GALNT8: variants seen among roughly 807,000 people sequenced by gnomAD.
GALNT8 encodes the protein polypeptide N-acetylgalactosaminyltransferase 8, also known as probable polypeptide N-acetylgalactosaminyltransferase 8.
A neutral mutation model predicts 62.7 loss-of-function variants in GALNT8; 66 were observed. That is an observed-to-expected ratio of 1.05 (90% CI 0.86 to 1.29). GALNT8 has a LOEUF of 1.29. Among genes scored for constraint, GALNT8 ranks in the 50% most tolerant of loss-of-function variants. The pLI is 0.00. For missense variants in GALNT8, 771 were observed against 791.8 expected (o/e 0.97, Z 0.32); for synonymous variants, 288 against 294.3 (o/e 0.98, Z 0.22).
At position 4,739,196 on chromosome 12, in the gene GALNT8, A is replaced by C. The variant is rs765100388; in HGVS notation, c.543A>C (p.Pro181=). ...CLRKTYPSQL[P]SLSVILIFVN... is the part of the protein sequence containing the mutation. ...GGAAGACATATCCTTCCCAACTCCCATCCCTCAGTGTCATTCTCATATTCG... is the reference window on the plus strand; with the variant it reads ...GGAAGACATATCCTTCCCAACTCCCCTCCCTCAGTGTCATTCTCATATTCG... The change falls in exon 3 of 11, where the codon CCA becomes CCC. Residue 181 remains proline (P), a synonymous_variant. Coordinates refer to ENST00000252318, the MANE Select transcript of GALNT8 (RefSeq NM_017417.2). The C allele has an allele frequency of 1.2e-6, 2 of 1,612,588 alleles. No homozygotes were observed. Among genetic ancestry groups the C allele is most frequent in the African/African-American group, 2.7e-5 (2 of 74,850 alleles).
At chr12:4,756,217 T>G (rs1476307973) in intron 6 of GALNT8, among the ~76,000 whole-genome samples, 1 of 151,964 alleles carries the variant, frequency 6.6e-6, no homozygotes, top group Non-Finnish European at 1.5e-5. Context: ...GGCCCGGGGG[T>G]TTGTGATTGT....
Position 4,726,759 on chromosome 12 carries a change from T to C in GALNT8, c.439T>C (p.Phe147Leu). The C allele has an allele frequency of 6.2e-7, 1 of 1,613,832 alleles. No homozygotes were observed. Among genetic ancestry groups the C allele is most frequent in the Admixed American group, 1.7e-5 (1 of 59,982 alleles). The change falls in exon 2 of 11, where the codon TTT (phenylalanine) becomes CTT (leucine). Residue 147 changes from phenylalanine (F) to leucine (L), a missense_variant. Transcript: ENST00000252318. The surrounding 1 kb of genome is among the most constrained non-coding windows in gnomAD (Gnocchi z 4.1). ...QKAAQDLFRK[F>L]GYNAYLSNQL... ...GGCGGCCCAGGACCTCTTCCGGAAG[T>C]TTGGTTACAACGCGTACCTCAGCAA...
intron 6 of GALNT8, among the ~76,000 whole-genome samples, chr12:4,758,242 T>C (rs140694909): frequency 6.6e-6 from 1 of 152,296 alleles, no homozygotes; most frequent in East Asian, 1.9e-4. Context: ...TTTTCTCCAG[T>C]AGCAGATCTT....
At chr12:4,765,595 G>C in intron 10 of GALNT8, 49 bp downstream of exon 10, 1 of 1,443,454 alleles carries the variant, frequency 6.9e-7, no homozygotes, top group Non-Finnish European at 9.6e-7. Flanking sequence ...GTTTTGTTTT[G>C]TTTTGAGACT....
Position 4,761,150 on chromosome 12 carries a change from C to G in GALNT8, c.1359+7C>G. The G allele has an allele frequency of 6.2e-7, 1 of 1,609,426 alleles. No homozygotes were observed. Among genetic ancestry groups the G allele is most frequent in the Non-Finnish European group, 8.5e-7 (1 of 1,176,174 alleles). On this transcript the variant is annotated splice_region_variant and intron_variant, in intron 7 of 10. Coordinates refer to ENST00000252318, the MANE Select transcript of GALNT8 (RefSeq NM_017417.2). ...CTGGAACATACCTCTCCAGGTGAGT[C>G]ATGGAATTGAACAGCAGCACGGAAG...
At chr12:4,764,530 ATTTTTTTTT>A (rs58809573) in intron 9 of GALNT8, among the ~76,000 whole-genome samples, 16 of 102,248 alleles carry the variant, frequency 1.6e-4, no homozygotes, top group African/African-American at 4.8e-4. Flanking sequence ...CAGTCAGGGG[ATTTTTTTTT>A]TTTTTTTTTT....
intron 6 of GALNT8, among the ~76,000 whole-genome samples, chr12:4,756,404 T>G (rs1946345155): frequency 6.6e-6 from 1 of 152,202 alleles, no homozygotes; most frequent in Admixed American, 6.5e-5. Flanking sequence ...ACCTGCTGCA[T>G]TAAGCACCTA....
intron 2 of GALNT8, among the ~76,000 whole-genome samples, chr12:4,729,770 G>C (rs1030887823): frequency 2.6e-5 from 4 of 152,144 alleles, no homozygotes; most frequent in African/African-American, 9.7e-5. Flanking sequence ...AGATCATACA[G>C]TAGTTCCATT....
intron 1 of GALNT8, among the ~76,000 whole-genome samples, chr12:4,724,855 C>A (rs1042363013): frequency 6.6e-6 from 1 of 152,194 alleles, no homozygotes; most frequent in Non-Finnish European, 1.5e-5. Flanking sequence ...TCCCCTGCTT[C>A]CCTCTTGGGG....
In GALNT8 at chr12:4,731,862, A is replaced by G. The variant is rs928857237; in HGVS notation, c.509+5033A>G. 2.0e-5 allele frequency among the ~76,000 whole-genome samples: 3 copies of G among 152,212 alleles called. No homozygotes were observed. In the East Asian group the frequency reaches 5.8e-4, roughly 29 times the overall value. On this transcript the variant is annotated intron_variant, in intron 2 of 10. Transcript: ENST00000252318. Reference sequence around the variant, plus strand: ...CTCACTTCATCATGCCATGTTGGCCAGGCTAATTAGTCCTGCTGTGAACAG... The same window carrying G: ...CTCACTTCATCATGCCATGTTGGCCGGGCTAATTAGTCCTGCTGTGAACAG...
rs936658038 is a variant in GALNT8 at position 4,760,955 on chromosome 12, C to T, written c.1174-3C>T. On this transcript the variant is annotated splice_polypyrimidine_tract_variant and splice_region_variant and intron_variant, in intron 6 of 10. Coordinates refer to ENST00000252318, the MANE Select transcript of GALNT8 (RefSeq NM_017417.2). ...CGGGTGATTTTTTGGTCTTCTTCTGCAGGTGTGGCAGTGTGGAGGGAAGGT... is the reference window on the plus strand; with the variant it reads ...CGGGTGATTTTTTGGTCTTCTTCTGTAGGTGTGGCAGTGTGGAGGGAAGGT... 4 of 1,612,286 alleles carry T rather than the reference C, an allele frequency of 2.5e-6. No homozygotes were observed. In the African/African-American group the frequency reaches 4.0e-5, roughly 16 times the overall value.
At chr12:4,722,853 AAT>A (rs1946177132) in intron 1 of GALNT8, among the ~76,000 whole-genome samples, 1 of 152,096 alleles carries the variant, frequency 6.6e-6, no homozygotes, top group South Asian at 2.1e-4. Flanking sequence ...GGAGAGAAGA[AAT>A]CAGGGAAAGA....
intron 2 of GALNT8, among the ~76,000 whole-genome samples, chr12:4,727,814 A>C (rs1490120740): frequency 6.6e-6 from 1 of 152,216 alleles, no homozygotes; most frequent in African/African-American, 2.4e-5. Context: ...TATGAATAAT[A>C]CTGCTGTGAA....
chr12:4,744,567 T>G lies in GALNT8; in HGVS notation c.727T>G (p.Tyr243Asp). The G allele has an allele frequency of 6.2e-7, 1 of 1,612,594 alleles. No homozygotes were observed. The highest frequency in any genetic ancestry group is 8.5e-7 in the Non-Finnish European group (1 of 1,178,848). Residue 243 changes from tyrosine to aspartate, a missense_variant, in exon 4 of 11, where the codon TAT becomes GAT. By Grantham distance (160) the Tyr-to-Asp change is radical. Transcript: ENST00000252318. ...GAAGATTAAGCTTTACAACCAGAAG[T>G]ATCCAGGACTACTGAAAATAATACG... ...DEKIKLYNQK[Y>D]PGLLKIIRHP...
chr12:4,745,189 G>T (rs574703080), intron 4 of GALNT8, among the ~76,000 whole-genome samples: 1 of 152,142 alleles, frequency 6.6e-6, no homozygotes, highest in Non-Finnish European at 1.5e-5. Context: ...CGGCCTGGGG[G>T]TGTTACCTGG....
chr12:4,720,576 A>G lies in GALNT8; in HGVS notation c.-102A>G, dbSNP rs1295029252. The G allele has an allele frequency of 3.7e-6, 3 of 814,620 alleles. No homozygotes were observed. Among genetic ancestry groups the G allele is most frequent in the African/African-American group, 1.7e-5 (1 of 59,154 alleles). 50.5% of individuals were successfully genotyped at this position (814,620 alleles called of 1,614,324 possible). On this transcript the variant is annotated 5_prime_UTR_variant, in exon 1 of 11. Coordinates refer to ENST00000252318, the MANE Select transcript of GALNT8 (RefSeq NM_017417.2). ...GGGGAGACCAACTCAACTGGCACCT[A>G]GAACTCTCTTTCCCACAAAAGCTAG...
chr12:4,734,486 C>T (rs2137523575), intron 2 of GALNT8, among the ~76,000 whole-genome samples: 1 of 152,194 alleles, frequency 6.6e-6, no homozygotes, highest in African/African-American at 2.4e-5. Flanking sequence ...CTTCAACTTC[C>T]ACCTGCCCAC....
chr12:4,747,551 C>T (rs1001190765), intron 6 of GALNT8, among the ~76,000 whole-genome samples: 20 of 152,144 alleles, frequency 1.3e-4, no homozygotes, highest in Non-Finnish European at 2.4e-4. Flanking sequence ...GTGACGGCCT[C>T]ATTCTTTTTT....
intron 2 of GALNT8, among the ~76,000 whole-genome samples, chr12:4,731,026 T>G (rs1011933439): frequency 6.6e-6 from 1 of 152,046 alleles, no homozygotes; most frequent in Non-Finnish European, 1.5e-5. Context: ...TTTTTTGTAT[T>G]TTTAGTAGAG....
Sources: allele counts gnomAD v4.1 joint callset (sites outside exome capture counted in the v4.1 genomes callset), GRCh38; gene constraint gnomAD v4.1.1; non-coding constraint Gnocchi (gnomAD v3.1); transcripts MANE v1.5; gene names NCBI Gene and HGNC (gene_info 2026-07-23, HGNC 2026-07-21).